The following UBE3C variants were observed in gnomAD, a reference collection of about 807,000 sequenced individuals.
UBE3C encodes ubiquitin protein ligase E3C, also known as ubiquitin-protein ligase E3C.
In UBE3C, 42 loss-of-function variants were observed where a neutral mutation model predicts 129.4. The observed-to-expected ratio is 0.32, with a 90% confidence interval of 0.25 to 0.42. The LOEUF is 0.42. Ranked by LOEUF, UBE3C falls within the 10% of genes least tolerant of loss-of-function variation. UBE3C has a pLI of 1.00. For synonymous variants in UBE3C, 510 were observed against 492.4 expected (o/e 1.04, Z -0.47); for missense variants, 1,049 against 1,319.1 (o/e 0.80, Z 3.17).
intron 13 of UBE3C, 91 bp from the exon 14 acceptor site, chr7:157,216,776 C>T (rs1586695692): frequency 9.9e-7 from 1 of 1,013,526 alleles, no homozygotes; most frequent in East Asian, 2.5e-5. Flanking sequence ...TGCACCACCG[C>T]TGTGTGCTCC....
At chr7:157,210,273 T>A (rs1201454078) in intron 13 of UBE3C, among the ~76,000 whole-genome samples, 1 of 151,946 alleles carries the variant, frequency 6.6e-6, no homozygotes, top group African/African-American at 2.4e-5. Flanking sequence ...GAGTTTAGAA[T>A]TGTTTAAAGA....
At chr7:157,235,826 C>G (rs55904424) in intron 18 of UBE3C, among the ~76,000 whole-genome samples, 1 of 152,116 alleles carries the variant, frequency 6.6e-6, no homozygotes, top group Non-Finnish European at 1.5e-5. Context: ...CAAAACATAT[C>G]TGATGACCAT....
intron 18 of UBE3C, among the ~76,000 whole-genome samples, chr7:157,233,783 T>C (rs781373606): frequency 3.3e-5 from 5 of 152,262 alleles, no homozygotes; most frequent in Admixed American, 1.3e-4. Flanking sequence ...GTACTCCACG[T>C]CAAAGTGTCT....
intron 1 of UBE3C, among the ~76,000 whole-genome samples, chr7:157,145,375 A>C (rs1418101651): frequency 6.6e-6 from 1 of 152,052 alleles, no homozygotes; most frequent in Non-Finnish European, 1.5e-5. Flanking sequence ...AAAATTAGCC[A>C]GGCGTGGTGA....
intron 18 of UBE3C, among the ~76,000 whole-genome samples, chr7:157,241,865 G>A (rs1343670916): frequency 1.3e-5 from 2 of 152,192 alleles, no homozygotes; most frequent in Admixed American, 6.5e-5. Context: ...TGGCACACAT[G>A]GATGTGCCTT....
intron 14 of UBE3C, among the ~76,000 whole-genome samples, chr7:157,218,406 G>A (rs1225361477): frequency 2.6e-5 from 4 of 151,682 alleles, no homozygotes; most frequent in South Asian, 2.1e-4. Context: ...CTGAGATCAC[G>A]CCACTGCACT....
At chr7:157,178,175 A>G (rs1412867123) in intron 5 of UBE3C, among the ~76,000 whole-genome samples, 1 of 152,094 alleles carries the variant, frequency 6.6e-6, no homozygotes, top group Non-Finnish European at 1.5e-5. Context: ...CTAAACGGAT[A>G]GTTAACCTGC....
At position 157,197,794 on chromosome 7, in the gene UBE3C, G is replaced by A. The variant is rs2286131; in HGVS notation, c.1332-3927G>A. 6,102 of 1,613,024 alleles carry A rather than the reference G, an allele frequency of 3.8e-3. 150 individuals are homozygous for A. In the South Asian group the frequency reaches 0.043, roughly 11 times the overall value. ...GTACTATTGAATCTTTGTATCAAAC[G>A]ACTCCCATCTGCTAACCTGATTTGA... On this transcript the variant is annotated intron_variant, in intron 10 of 22. Transcript: ENST00000348165.
At chr7:157,155,124 G>A (rs1045842824) in intron 1 of UBE3C, among the ~76,000 whole-genome samples, 3 of 152,066 alleles carry the variant, frequency 2.0e-5, no homozygotes, top group African/African-American at 7.2e-5. Flanking sequence ...GAAATTGGCG[G>A]TTCTCATATT....
At chr7:157,244,146 C>T (rs546234484) in intron 18 of UBE3C, among the ~76,000 whole-genome samples, 12 of 152,258 alleles carry the variant, frequency 7.9e-5, no homozygotes, top group African/African-American at 2.9e-4. Flanking sequence ...AGGAGAATCG[C>T]TTGAACCCAG....
chr7:157,184,179 T>C, intron 9 of UBE3C, 150 bp downstream of exon 9: 1 of 973,272 alleles, frequency 1.0e-6, no homozygotes, highest in Non-Finnish European at 1.5e-6. Flanking sequence ...TACCACAGTT[T>C]CTAGTGATGG....
intron 17 of UBE3C, among the ~76,000 whole-genome samples, chr7:157,227,946 C>A (rs1636608): frequency 0.77 from 117,324 of 152,170 alleles, 45,483 homozygotes; most frequent in African/African-American, 0.84. Context: ...ATACTGTAAG[C>A]ATGATTAAGC....
rs143139509 is a variant in UBE3C, at chr7:157,182,586, G to T, written c.991+258G>T. ...AGAGTTAACAGAGTTAAATGGGAAAGCTCTTCTGTGAGTCAGGCCTGTTTC... is the reference window on the plus strand; with the variant it reads ...AGAGTTAACAGAGTTAAATGGGAAATCTCTTCTGTGAGTCAGGCCTGTTTC... On this transcript the variant is annotated intron_variant, in intron 8 of 22. Coordinates refer to ENST00000348165, the MANE Select transcript of UBE3C (RefSeq NM_014671.3). 7.2e-5 allele frequency among the ~76,000 whole-genome samples: 11 copies of T among 152,304 alleles called. No individual in the cohort carries two copies. The East Asian group carries it at 2.1e-3, about 29-fold the overall frequency.
intron 2 of UBE3C, among the ~76,000 whole-genome samples, chr7:157,165,791 C>G (rs1446693332): frequency 6.6e-6 from 1 of 152,114 alleles, no homozygotes; most frequent in Non-Finnish European, 1.5e-5. Context: ...CTTTAGTTCT[C>G]TTTTAATTTC....
intron 15 of UBE3C, chr7:157,222,297 T>G (rs1795758184): frequency 6.6e-6 from 1 of 152,224 alleles, no homozygotes; most frequent in Non-Finnish European, 1.5e-5. Flanking sequence ...TTCTTAGCAG[T>G]GTCTTTCAAG....
chr7:157,255,290 T>TA (rs1796723631), intron 21 of UBE3C, among the ~76,000 whole-genome samples: 1 of 152,180 alleles, frequency 6.6e-6, no homozygotes, highest in South Asian at 2.1e-4. Flanking sequence ...TAACCCCACA[T>TA]ACCCACTAGC....
intron 1 of UBE3C, among the ~76,000 whole-genome samples, chr7:157,149,657 T>TA (rs1300150195): frequency 1.3e-5 from 2 of 152,184 alleles, no homozygotes; most frequent in Non-Finnish European, 2.9e-5. Context: ...TTTCTTGAGT[T>TA]ACAGTGTGAA....
In UBE3C at chr7:157,231,097, C is replaced by T. The variant is rs752038326; in HGVS notation, c.2251C>T (p.Arg751Trp). Residue 751 changes from arginine to tryptophan, a missense_variant, in exon 18 of 23, where the codon CGG becomes TGG. By Grantham distance (101) the Arg-to-Trp change is moderately radical. Coordinates refer to ENST00000348165, the MANE Select transcript of UBE3C (RefSeq NM_014671.3). Reference sequence around the variant, plus strand: ...TTTAACAGAGCCTGATTTGAAAAAGCGGATCCGTGTGCACTTGCTCAATGC... The same window carrying T: ...TTTAACAGAGCCTGATTTGAAAAAGTGGATCCGTGTGCACTTGCTCAATGC... ...SPENEPDLKKRIRVHLLNAHG... is the reference protein window; with the variant it reads ...SPENEPDLKKWIRVHLLNAHG... 8 of 1,613,254 alleles carry T rather than the reference C, an allele frequency of 5.0e-6. No individual in the cohort carries two copies. Among genetic ancestry groups the T allele is most frequent in the East Asian group, 4.5e-5 (2 of 44,886 alleles).
chr7:157,208,055 C>CTTT lies in UBE3C; in HGVS notation c.1809+155_1809+157dup, dbSNP rs35366316. ...TTCAGACATGTTTTAATTTGCAAGA[C>CTTT]TTTTTTTTTTTTTTTTTTTTTTTTT... is the stretch of plus-strand genomic sequence containing the variant. On this transcript the variant is annotated intron_variant, in intron 13 of 22. Transcript: ENST00000348165. 2.0e-4 allele frequency: 19 copies of CTTT among 93,714 alleles called. 6 individuals carry two copies. The highest frequency in any genetic ancestry group is 8.5e-4 in the East Asian group (2 of 2,366). The allele number at this position is 93,714 out of a possible 1,614,324, so 5.8% of individuals were successfully genotyped here.
Sources: allele counts gnomAD v4.1 joint callset (sites outside exome capture counted in the v4.1 genomes callset), GRCh38; gene constraint gnomAD v4.1.1; transcripts MANE v1.5; gene names NCBI Gene and HGNC (gene_info 2026-07-23, HGNC 2026-07-21).